Variants in ZDHHC14 observed in about 807,000 individuals in gnomAD.
The protein encoded by ZDHHC14 is palmitoyltransferase ZDHHC14.
In ZDHHC14, 16 loss-of-function variants were observed where a neutral mutation model predicts 47.7. The ratio of observed to expected loss-of-function variants is 0.34; its 90% CI spans 0.23 to 0.51. ZDHHC14 has a LOEUF of 0.51. ZDHHC14 is among the 20% of genes least tolerant of loss of function. The pLI, the probability that ZDHHC14 is intolerant of heterozygous loss-of-function variation, is 0.97. For missense variants in ZDHHC14, 515 were observed against 662.5 expected (o/e 0.78, Z 2.44); for synonymous variants, 293 against 278.9 (o/e 1.05, Z -0.50).
chr6:157,655,655 G>A (rs1199285210), intron 8 of ZDHHC14, among the ~76,000 whole-genome samples: 2 of 152,210 alleles, frequency 1.3e-5, no homozygotes, highest in East Asian at 3.9e-4. Context: ...TTGAGGACTA[G>A]ACTAGGAGAT....
At chr6:157,428,530 C>G (rs1342447450) in intron 1 of ZDHHC14, among the ~76,000 whole-genome samples, 1 of 151,430 alleles carries the variant, frequency 6.6e-6, no homozygotes, top group Non-Finnish European at 1.5e-5. Context: ...TTTTCAGCTG[C>G]TTTTTATAGC....
intron 2 of ZDHHC14, among the ~76,000 whole-genome samples, chr6:157,544,671 CAA>C (rs761859624): frequency 1.7e-3 from 155 of 92,826 alleles, no homozygotes; most frequent in African/African-American, 8.5e-3. Flanking sequence ...ACAACAACAA[CAA>C]CCAAAAAATA....
At chr6:157,601,536 A>T (rs1441446549) in intron 3 of ZDHHC14, among the ~76,000 whole-genome samples, 1 of 152,224 alleles carries the variant, frequency 6.6e-6, no homozygotes, top group African/African-American at 2.4e-5. Flanking sequence ...TCAGTTAGGA[A>T]TTGTAATAAA....
intron 1 of ZDHHC14, among the ~76,000 whole-genome samples, chr6:157,460,714 C>T (rs984798261): frequency 6.6e-6 from 1 of 152,170 alleles, no homozygotes; most frequent in African/African-American, 2.4e-5. Flanking sequence ...TAGTTGTACC[C>T]TTAAGTTATA....
Position 157,650,116 on chromosome 6 carries a change from C to T in ZDHHC14, c.965+2748C>T, listed in dbSNP as rs998247053. On this transcript the variant is annotated intron_variant, in intron 7 of 8. Coordinates refer to ENST00000359775, the MANE Select transcript of ZDHHC14 (RefSeq NM_024630.3). ...CTCTGTGCCAGGCACTGGGGGTGCA[C>T]GGGAGAGGGGCCAGCTTCTGGGCAG... is the stretch of plus-strand genomic sequence containing the variant. Among the ~76,000 whole-genome samples, 20 of 151,854 alleles carry T rather than the reference C, an allele frequency of 1.3e-4. 1 individual carries two copies. The highest frequency in any genetic ancestry group is 2.4e-4 in the Non-Finnish European group (16 of 67,988).
intron 1 of ZDHHC14, among the ~76,000 whole-genome samples, chr6:157,466,336 A>G (rs11490117): frequency 0.015 from 2,347 of 152,276 alleles, 31 homozygotes; most frequent in Non-Finnish European, 0.023. Context: ...GCTCCACAGT[A>G]GCACCCTCCC....
intron 2 of ZDHHC14, among the ~76,000 whole-genome samples, chr6:157,568,535 G>A (rs975181308): frequency 6.6e-6 from 1 of 151,962 alleles, no homozygotes; most frequent in South Asian, 2.1e-4. Flanking sequence ...ATCATCATTT[G>A]TTTAATAAAT....
chr6:157,492,200 G>GGCCCCGC (rs1779938260), intron 1 of ZDHHC14, among the ~76,000 whole-genome samples: 1 of 81,138 alleles, frequency 1.2e-5, no homozygotes, highest in Non-Finnish European at 2.5e-5. Context: ...TCCCCCCTCC[G>GGCCCCGC]CCCCCGCCCC....
At chr6:157,468,954 G>A (rs965327517) in intron 1 of ZDHHC14, among the ~76,000 whole-genome samples, 1 of 152,204 alleles carries the variant, frequency 6.6e-6, no homozygotes, top group Non-Finnish European at 1.5e-5. Flanking sequence ...ATAAAACCCA[G>A]GTCTCTATTC....
intron 1 of ZDHHC14, among the ~76,000 whole-genome samples, chr6:157,441,903 A>G (rs1308139811): frequency 6.6e-6 from 1 of 152,210 alleles, no homozygotes; most frequent in African/African-American, 2.4e-5. Flanking sequence ...AGATTTCCAT[A>G]CAGAAAAGAT....
At chr6:157,414,544 G>A (rs1448147092) in intron 1 of ZDHHC14, among the ~76,000 whole-genome samples, 1 of 152,214 alleles carries the variant, frequency 6.6e-6, no homozygotes, top group Non-Finnish European at 1.5e-5. Flanking sequence ...TTCCAAGACA[G>A]TATATGACTA....
At chr6:157,629,561 A>C (rs910799419) in intron 4 of ZDHHC14, 5 of 152,192 alleles carry the variant, frequency 3.3e-5, no homozygotes, top group African/African-American at 1.2e-4. Flanking sequence ...AATGTTTTGC[A>C]TTCATTCTTT....
At chr6:157,659,092 G>A (rs754628330) in intron 8 of ZDHHC14, among the ~76,000 whole-genome samples, 5 of 151,894 alleles carry the variant, frequency 3.3e-5, no homozygotes, top group African/African-American at 9.7e-5. Context: ...ATTTGTTACC[G>A]TTTTCTCATC....
intron 3 of ZDHHC14, among the ~76,000 whole-genome samples, chr6:157,608,392 G>C (rs552046516): frequency 1.3e-5 from 2 of 152,086 alleles, no homozygotes; most frequent in South Asian, 4.2e-4. Context: ...AGGCACCGGT[G>C]GTACAGGGAG....
At chr6:157,659,653 G>A (rs139251149) in intron 8 of ZDHHC14, among the ~76,000 whole-genome samples, 4 of 152,276 alleles carry the variant, frequency 2.6e-5, no homozygotes, top group Non-Finnish European at 5.9e-5. Flanking sequence ...ACGGTTTTCC[G>A]GTCTCTGATG....
At chr6:157,491,270 C>T (rs1351558817) in intron 1 of ZDHHC14, among the ~76,000 whole-genome samples, 1 of 152,222 alleles carries the variant, frequency 6.6e-6, no homozygotes, top group Admixed American at 6.5e-5. Flanking sequence ...CAACACCTAT[C>T]CTTTCCCTTT....
At chr6:157,581,239 T>G (rs1783508255) in intron 2 of ZDHHC14, among the ~76,000 whole-genome samples, 1 of 152,048 alleles carries the variant, frequency 6.6e-6, no homozygotes, top group Non-Finnish European at 1.5e-5. Context: ...TTTTGAGCAA[T>G]TTTTTTAGTA....
At chr6:157,569,893 A>G (rs1450442571) in intron 2 of ZDHHC14, among the ~76,000 whole-genome samples, 2 of 152,200 alleles carry the variant, frequency 1.3e-5, no homozygotes, top group Non-Finnish European at 2.9e-5. Context: ...CATTAAATAT[A>G]TAAAAATACT....
chr6:157,628,575 T>G, intron 4 of ZDHHC14, 89 bp downstream of exon 4: 1 of 1,517,804 alleles, frequency 6.6e-7, no homozygotes, highest in Non-Finnish European at 8.9e-7. Context: ...ATTTTGGTCA[T>G]TTCGGGCTTT....
Sources: allele counts gnomAD v4.1 joint callset (sites outside exome capture counted in the v4.1 genomes callset), GRCh38; gene constraint gnomAD v4.1.1; transcripts MANE v1.5; gene names NCBI Gene and HGNC (gene_info 2026-07-23, HGNC 2026-07-21).